The following DYNC1H1 variants were observed in gnomAD, a reference collection of about 807,000 sequenced individuals.
DYNC1H1 encodes the protein dynein cytoplasmic 1 heavy chain 1.
In DYNC1H1, 51 loss-of-function variants were observed where a neutral mutation model predicts 527.1. The observed-to-expected ratio is 0.10, with a 90% confidence interval of 0.08 to 0.12. The LOEUF (loss-of-function observed/expected upper bound fraction) is 0.12, where lower values mean the gene tolerates loss of function less well. Ranked by LOEUF, DYNC1H1 falls within the 10% of genes least tolerant of loss-of-function variation. The pLI, the probability that DYNC1H1 is intolerant of heterozygous loss-of-function variation, is 1.00. For missense variants in DYNC1H1, 2,771 were observed against 5,971.8 expected, an observed-to-expected ratio of 0.46 and a Z score of 17.66; for synonymous variants, 2,189 against 2,278.8, an observed-to-expected ratio of 0.96 and a Z score of 1.12.
intron 5 of DYNC1H1, among the ~76,000 whole-genome samples, chr14:101,982,376 G>A (rs975907580): frequency 3.3e-5 from 5 of 152,038 alleles, no homozygotes; most frequent in African/African-American, 1.2e-4. Flanking sequence ...GGCAGATCAC[G>A]AGGTCAGGAG....
In DYNC1H1 at chr14:102,017,065, G is replaced by C. The variant is rs1400864849; in HGVS notation, c.7849-23G>C. On this transcript the variant is annotated intron_variant, in intron 38 of 77. Transcript: ENST00000360184. The surrounding 1 kb of genome is among the most constrained non-coding windows in gnomAD (Gnocchi z 4.6). ...GAGCATGGGGTTGGTCTTACAGTGT[G>C]GTTTTGTGTCTTCCCTCCAAAGGTG... 1 of 1,614,104 alleles carries C rather than the reference G, an allele frequency of 6.2e-7. No homozygotes were observed. The highest frequency in any genetic ancestry group is 8.5e-7 in the Non-Finnish European group (1 of 1,180,042).
intron 52 of DYNC1H1, chr14:102,032,848 GTC>G (rs2048525758): frequency 1.7e-6 from 1 of 600,108 alleles, no homozygotes; most frequent in Non-Finnish European, 2.9e-6. Context: ...GAAAAACCCT[GTC>G]TCATTAAAAA....
At chr14:101,975,965 T>C (rs1367389776) in intron 2 of DYNC1H1, among the ~76,000 whole-genome samples, 166 bp downstream of exon 2, 3 of 151,330 alleles carry the variant, frequency 2.0e-5, no homozygotes, top group African/African-American at 7.3e-5. Context: ...TGGAGTACAA[T>C]GGCGCGATCT....
In DYNC1H1 at chr14:102,015,308, G is replaced by A; in HGVS notation, c.7218G>A (p.Glu2406=). 1.2e-6 allele frequency: 2 copies of A among 1,613,644 alleles called. No homozygotes were observed. Among genetic ancestry groups the A allele is most frequent in the Non-Finnish European group, 1.7e-6 (2 of 1,179,680 alleles). ...RRRKGKEDEG[E]EAASPMLQIQ... ...GTAAGGGCAAAGAGGATGAGGGGGA[G>A]GAGGCCGCTTCCCCCATGCTGCAGG... Residue 2406 remains glutamate (E), a synonymous_variant, in exon 35 of 78, where the codon GAG becomes GAA. Transcript: ENST00000360184. This position sits in a 1 kb window ranked among gnomAD's most constrained non-coding sequence, Gnocchi z 6.9.
rs773538369 is a variant in DYNC1H1, at chr14:101,964,665, C to G, written c.-27C>G. On this transcript the variant is annotated 5_prime_UTR_variant, in exon 1 of 78. Coordinates refer to ENST00000360184, the MANE Select transcript of DYNC1H1 (RefSeq NM_001376.5). The surrounding 1 kb of genome is among the most constrained non-coding windows in gnomAD (Gnocchi z 5.5). ...CTGAGTCGCGGCCGCCTTCTCATCGCTCCTGGAAGGTCCCGAGCGCGACAC... is the reference window on the plus strand; with the variant it reads ...CTGAGTCGCGGCCGCCTTCTCATCGGTCCTGGAAGGTCCCGAGCGCGACAC... The G allele has an allele frequency of 6.4e-7, 1 of 1,572,916 alleles. No homozygotes were observed. The highest frequency in any genetic ancestry group is 8.6e-7 in the Non-Finnish European group (1 of 1,165,612).
Position 102,011,884 on chromosome 14 carries a change from C to A in DYNC1H1, c.6628C>A (p.Leu2210Ile), listed in dbSNP as rs1307577502. Residue 2210 changes from leucine (L) to isoleucine (I), a missense_variant, in exon 33 of 78, where the codon CTC becomes ATC. Transcript: ENST00000360184. The surrounding 1 kb of genome is among the most constrained non-coding windows in gnomAD (Gnocchi z 5.3). Reference sequence around the variant, plus strand: ...CTGTTGGGCCCTGCAGGTTCTCCAGCTCTATCAGATCACCCAGATCAATCA... The same window carrying A: ...CTGTTGGGCCCTGCAGGTTCTCCAGATCTATCAGATCACCCAGATCAATCA... ...GGMWVEKVLQ[L>I]YQITQINHGL... 6.2e-7 allele frequency: 1 copy of A among 1,614,176 alleles called. No homozygotes were observed. The highest frequency in any genetic ancestry group is 1.1e-5 in the South Asian group (1 of 91,080).
In DYNC1H1 at chr14:102,042,762, C is replaced by T; in HGVS notation, c.12513+14C>T. The T allele has an allele frequency of 6.2e-7, 1 of 1,611,366 alleles. No homozygotes were observed. Among genetic ancestry groups the T allele is most frequent in the South Asian group, 1.1e-5 (1 of 90,928 alleles). On this transcript the variant is annotated intron_variant, in intron 69 of 77. Transcript: ENST00000360184. The surrounding 1 kb of genome is among the most constrained non-coding windows in gnomAD (Gnocchi z 5.7). ...CGGATATGCAAGGTAAGTACCTTGT[C>T]CTCCTGGTATGCTTTCCCCATAGAA...
chr14:101,984,371 G>A (rs1256731563), intron 7 of DYNC1H1, among the ~76,000 whole-genome samples: 1 of 143,324 alleles, frequency 7.0e-6, no homozygotes, highest in Non-Finnish European at 1.5e-5. Flanking sequence ...TCTGTATTGT[G>A]TGTGTGTGTG....
In DYNC1H1 at chr14:101,986,372, G is replaced by A. The variant is rs759802064; in HGVS notation, c.2147G>A (p.Arg716His). ...VQQRNLGVSG[R>H]IFTIESTRVR... ...CAGCGCAACCTCGGTGTCTCGGGGC[G>A]CATTTTCACCATCGAAAGTACTCGG... The change falls in exon 8 of 78, where the codon CGC (arginine) becomes CAC (histidine). Residue 716 changes from arginine to histidine, a missense_variant. Arg to His is a conservative substitution (Grantham distance 29). This residue lies in a region of DYNC1H1 where 264 missense variants were observed against 619.4 expected (regional missense o/e 0.43). Coordinates refer to ENST00000360184, the MANE Select transcript of DYNC1H1 (RefSeq NM_001376.5). The surrounding 1 kb of genome is among the most constrained non-coding windows in gnomAD (Gnocchi z 8.7). 1.8e-5 allele frequency: 29 copies of A among 1,613,964 alleles called. No homozygotes were observed. Among genetic ancestry groups the A allele is most frequent in the Non-Finnish European group, 2.5e-5 (29 of 1,180,032 alleles).
intron 74 of DYNC1H1, 100 bp downstream of exon 74, chr14:102,048,769 G>A: frequency 7.3e-7 from 1 of 1,375,702 alleles, no homozygotes; most frequent in Non-Finnish European, 9.8e-7. Context: ...AGACAGCCAG[G>A]CCTGCAGGAG....
intron 16 of DYNC1H1, 26 bp from the exon 17 acceptor site, chr14:101,999,961 CAA>C: frequency 6.2e-7 from 1 of 1,614,010 alleles, no homozygotes; most frequent in Non-Finnish European, 8.5e-7. Flanking sequence ...CATTGTGCTC[CAA>C]TTCTCTGTGC....
Position 102,044,209 on chromosome 14 carries a change from C to T in DYNC1H1, c.12685-65C>T, listed in dbSNP as rs140015884. Reference sequence around the variant, plus strand: ...GAGTGAGGAGGAAAGCTGTGCCCCTCGAAAGGAAGCCCCGGGCCTGCCCGC... The same window carrying T: ...GAGTGAGGAGGAAAGCTGTGCCCCTTGAAAGGAAGCCCCGGGCCTGCCCGC... On this transcript the variant is annotated intron_variant, in intron 70 of 77. Coordinates refer to ENST00000360184, the MANE Select transcript of DYNC1H1 (RefSeq NM_001376.5). The surrounding 1 kb of genome is among the most constrained non-coding windows in gnomAD (Gnocchi z 7.1). 4.5e-4 allele frequency: 720 copies of T among 1,600,262 alleles called. 2 individuals carry two copies. Among genetic ancestry groups the T allele is most frequent in the Middle Eastern group, 3.2e-3 (19 of 5,992 alleles).
In DYNC1H1 at chr14:102,001,791, A is replaced by T; in HGVS notation, c.4542+110A>T. The T allele has an allele frequency of 6.8e-7, 1 of 1,481,242 alleles. No homozygotes were observed. The highest frequency in any genetic ancestry group is 1.2e-5 in the South Asian group (1 of 84,512). 91.8% of individuals were successfully genotyped at this position (1,481,242 alleles called of 1,614,324 possible). ...TACCTGTTTTTTATTGTATTTTTTGAGACAGGGTCTCACTCTGTCTCCCAC... is the reference window on the plus strand; with the variant it reads ...TACCTGTTTTTTATTGTATTTTTTGTGACAGGGTCTCACTCTGTCTCCCAC... On this transcript the variant is annotated intron_variant, in intron 21 of 77. Transcript: ENST00000360184. This position sits in a 1 kb window ranked among gnomAD's most constrained non-coding sequence, Gnocchi z 5.0.
rs45508391 is a variant in DYNC1H1 at position 102,008,414 on chromosome 14, G to A, written c.5977+77G>A. The A allele has an allele frequency of 0.047, 72,979 of 1,557,308 alleles. 2,023 individuals carry two copies. Among genetic ancestry groups the A allele is most frequent in the Non-Finnish European group, 0.055 (62,475 of 1,145,784 alleles). ...CTAGTGAACTAATTTTCTACCTCTT[G>A]GATTAGAAATAAGCAAGAATTTAGC... On this transcript the variant is annotated intron_variant, in intron 29 of 77. Coordinates refer to ENST00000360184, the MANE Select transcript of DYNC1H1 (RefSeq NM_001376.5).
intron 43 of DYNC1H1, among the ~76,000 whole-genome samples, chr14:102,025,543 C>G (rs567194597): frequency 7.8e-6 from 1 of 128,724 alleles, no homozygotes; most frequent in Non-Finnish European, 1.6e-5. Context: ...GCCTGGGTGA[C>G]AGAGTGAGAC....
rs2048113636 is a variant in DYNC1H1, at chr14:102,000,156, T to C, written c.3960+12T>C. The C allele has an allele frequency of 1.2e-6, 2 of 1,614,090 alleles. No homozygotes were observed. Among genetic ancestry groups the C allele is most frequent in the South Asian group, 1.1e-5 (1 of 91,086 alleles). On this transcript the variant is annotated intron_variant, in intron 17 of 77. Coordinates refer to ENST00000360184, the MANE Select transcript of DYNC1H1 (RefSeq NM_001376.5). ...AAGAGCGCGTGCAGGTATGAACCAC[T>C]GGGGAGTGGGTGGAGAATCCCGCTC...
At chr14:102,000,205 T>C in intron 17 of DYNC1H1, 61 bp downstream of exon 17, 2 of 1,614,116 alleles carry the variant, frequency 1.2e-6, no homozygotes, top group South Asian at 2.2e-5. Context: ...TGCCATTGAC[T>C]TTGTTCATCC....
rs1384812867 is a variant in DYNC1H1 at position 102,015,375 on chromosome 14, T to C, written c.7242+43T>C. 6.4e-7 allele frequency: 1 copy of C among 1,561,366 alleles called. No individual in the cohort carries two copies. Among genetic ancestry groups the C allele is most frequent in the Non-Finnish European group, 8.7e-7 (1 of 1,150,248 alleles). On this transcript the variant is annotated intron_variant, in intron 35 of 77. Coordinates refer to ENST00000360184, the MANE Select transcript of DYNC1H1 (RefSeq NM_001376.5). This position sits in a 1 kb window ranked among gnomAD's most constrained non-coding sequence, Gnocchi z 6.9. ...CCCACATATCATGACCTGAGGGTGCTAGGATATTCAGATGTGGTCTCGCTG... is the reference window on the plus strand; with the variant it reads ...CCCACATATCATGACCTGAGGGTGCCAGGATATTCAGATGTGGTCTCGCTG...
In DYNC1H1 at chr14:102,042,805, T is replaced by C; in HGVS notation, c.12513+57T>C. 1 of 1,591,860 alleles carries C rather than the reference T, an allele frequency of 6.3e-7. No individual in the cohort carries two copies. ...CCATAGAAGCTAAAGCCCAGTCCCATCACCAAATGCAGAAGTGGGTCCCTG... is the reference window on the plus strand; with the variant it reads ...CCATAGAAGCTAAAGCCCAGTCCCACCACCAAATGCAGAAGTGGGTCCCTG... On this transcript the variant is annotated intron_variant, in intron 69 of 77. Coordinates refer to ENST00000360184, the MANE Select transcript of DYNC1H1 (RefSeq NM_001376.5). This position sits in a 1 kb window ranked among gnomAD's most constrained non-coding sequence, Gnocchi z 5.7.
Sources: allele counts gnomAD v4.1 joint callset (sites outside exome capture counted in the v4.1 genomes callset), GRCh38; gene constraint gnomAD v4.1.1; regional missense constraint gnomAD v4.1.1; non-coding constraint Gnocchi (gnomAD v3.1); transcripts MANE v1.5; gene names NCBI Gene and HGNC (gene_info 2026-07-23, HGNC 2026-07-21).